Variants in DYNC1I1 observed in about 807,000 individuals in gnomAD.
The protein encoded by DYNC1I1 is cytoplasmic dynein 1 intermediate chain 1.
A neutral mutation model predicts 86.6 loss-of-function variants in DYNC1I1; 43 were observed. The ratio of observed to expected loss-of-function variants is 0.50; its 90% confidence interval spans 0.39 to 0.64. The LOEUF is 0.64. DYNC1I1 is among the 30% of genes least tolerant of loss of function. The pLI, the probability that DYNC1I1 is intolerant of heterozygous loss-of-function variation, is 0.00. For missense variants in DYNC1I1, 604 were observed against 788.8 expected (o/e 0.77, Z 2.81); for synonymous variants, 262 against 283.7 (o/e 0.92, Z 0.77).
chr7:95,810,084 T>C (rs917449134), intron 2 of DYNC1I1, among the ~76,000 whole-genome samples: 3 of 152,164 alleles, frequency 2.0e-5, no homozygotes, highest in Non-Finnish European at 4.4e-5. Context: ...AGACAGAATT[T>C]TTTTTTATAT....
chr7:96,026,871 C>G (rs1478016637), intron 10 of DYNC1I1, among the ~76,000 whole-genome samples: 5 of 152,178 alleles, frequency 3.3e-5, no homozygotes, highest in Non-Finnish European at 5.9e-5. Flanking sequence ...CTATCCCCCT[C>G]ACACACAGAG....
At chr7:95,830,246 A>G (rs187627467) in intron 5 of DYNC1I1, among the ~76,000 whole-genome samples, 1 of 152,244 alleles carries the variant, frequency 6.6e-6, no homozygotes, top group Non-Finnish European at 1.5e-5. Context: ...TATTAAAACT[A>G]TTCAAATTGA....
intron 1 of DYNC1I1, among the ~76,000 whole-genome samples, chr7:95,791,167 C>A (rs1197245355): frequency 6.6e-6 from 1 of 151,722 alleles, no homozygotes; most frequent in Non-Finnish European, 1.5e-5. Flanking sequence ...TAAAATTATT[C>A]CTTCATTGTG....
intron 6 of DYNC1I1, among the ~76,000 whole-genome samples, chr7:95,873,821 A>G (rs1194070802): frequency 5.3e-5 from 8 of 152,242 alleles, no homozygotes; most frequent in Admixed American, 5.2e-4. Context: ...AGGCCTCCGT[A>G]TTCTTACCTA....
chr7:96,093,543 A>G (rs1790907773), intron 16 of DYNC1I1, among the ~76,000 whole-genome samples: 1 of 152,198 alleles, frequency 6.6e-6, no homozygotes, highest in South Asian at 2.1e-4. Context: ...CTGAGCCTCA[A>G]GTACTTTTGG....
At chr7:95,788,441 G>T (rs1330741437) in intron 1 of DYNC1I1, among the ~76,000 whole-genome samples, 1 of 152,172 alleles carries the variant, frequency 6.6e-6, no homozygotes, top group East Asian at 1.9e-4. Flanking sequence ...CCTTTGAAGT[G>T]GGGAAGATCA....
At chr7:95,827,823 C>G (rs1795234786) in intron 4 of DYNC1I1, among the ~76,000 whole-genome samples, 1 of 152,216 alleles carries the variant, frequency 6.6e-6, no homozygotes. Context: ...TCTCAACTTT[C>G]TTTCATGAAA....
intron 6 of DYNC1I1, among the ~76,000 whole-genome samples, chr7:95,940,073 A>G (rs1443685988): frequency 1.3e-5 from 2 of 152,276 alleles, no homozygotes; most frequent in African/African-American, 4.8e-5. Context: ...GTTTGGCTGG[A>G]TATGAAATTC....
In DYNC1I1 at chr7:95,830,765, T is replaced by G. The variant is rs372317088; in HGVS notation, c.374+2649T>G. 6.6e-4 allele frequency among the ~76,000 whole-genome samples: 101 copies of G among 152,302 alleles called. 1 individual carries two copies. The highest frequency in any genetic ancestry group is 2.4e-3 in the African/African-American group (100 of 41,574). ...ATCATATAGTAGATACACATTTAAC[T>G]TTTTAAGAAATTGTCAAACTGTTTT... On this transcript the variant is annotated intron_variant, in intron 5 of 16. Transcript: ENST00000447467.
At chr7:95,978,720 C>T (rs1038977147) in intron 7 of DYNC1I1, among the ~76,000 whole-genome samples, 1 of 152,190 alleles carries the variant, frequency 6.6e-6, no homozygotes, top group South Asian at 2.1e-4. Flanking sequence ...CACTTCAACA[C>T]CTTGTGCTCT....
intron 5 of DYNC1I1, among the ~76,000 whole-genome samples, chr7:95,860,700 T>G (rs1488256302): frequency 6.6e-6 from 1 of 152,142 alleles, no homozygotes; most frequent in African/African-American, 2.4e-5. Flanking sequence ...TTCTGAAGAT[T>G]AGGAAGTCCA....
At chr7:96,056,412 A>G (rs1789578836) in intron 14 of DYNC1I1, among the ~76,000 whole-genome samples, 1 of 152,112 alleles carries the variant, frequency 6.6e-6, no homozygotes, top group Non-Finnish European at 1.5e-5. Flanking sequence ...CTCCAGCTCC[A>G]CTCAAGAAAG....
intron 1 of DYNC1I1, among the ~76,000 whole-genome samples, chr7:95,789,436 G>C (rs566783780): frequency 6.6e-6 from 1 of 152,158 alleles, no homozygotes. Context: ...TTAATCTTTC[G>C]AGAACACCCA....
At chr7:95,917,029 C>T (rs540583001) in intron 6 of DYNC1I1, among the ~76,000 whole-genome samples, 2 of 152,182 alleles carry the variant, frequency 1.3e-5, no homozygotes, top group Admixed American at 6.5e-5. Flanking sequence ...TTGAGGGCAA[C>T]CGGGTGTGAT....
At chr7:96,044,206 AAT>A (rs1789139906) in intron 14 of DYNC1I1, among the ~76,000 whole-genome samples, 1 of 152,188 alleles carries the variant, frequency 6.6e-6, no homozygotes, top group African/African-American at 2.4e-5. Context: ...TCTATCTCTG[AAT>A]ATGTTTAAAA....
chr7:96,001,276 C>G (rs1193527017), intron 10 of DYNC1I1, among the ~76,000 whole-genome samples: 1 of 152,130 alleles, frequency 6.6e-6, no homozygotes, highest in Non-Finnish European at 1.5e-5. Flanking sequence ...GCTGTCTTGT[C>G]CCTCCCTTCC....
At chr7:95,982,824 T>A (rs1429861608) in intron 7 of DYNC1I1, among the ~76,000 whole-genome samples, 1 of 152,146 alleles carries the variant, frequency 6.6e-6, no homozygotes, top group Non-Finnish European at 1.5e-5. Flanking sequence ...TAGGGTTTGT[T>A]CCCCTTTTGC....
intron 10 of DYNC1I1, among the ~76,000 whole-genome samples, chr7:96,023,265 C>G (rs1794597032): frequency 6.6e-6 from 1 of 152,140 alleles, no homozygotes; most frequent in Non-Finnish European, 1.5e-5. Flanking sequence ...CATCCTCTCC[C>G]CAGAAGAGAT....
At chr7:96,096,176 AT>A (rs1291389818) in intron 16 of DYNC1I1, among the ~76,000 whole-genome samples, 9 of 152,142 alleles carry the variant, frequency 5.9e-5, no homozygotes, top group African/African-American at 2.2e-4. Flanking sequence ...CCACTTTCCA[AT>A]AAGTTTTCTT....
Sources: gnomAD v4.1 joint callset for allele counts (sites outside exome capture counted in the v4.1 genomes callset) on GRCh38, gnomAD v4.1.1 for gene constraint, MANE v1.5 for transcripts, NCBI Gene and HGNC (gene_info 2026-07-23, HGNC 2026-07-21) for gene names.